Variants in KMT2B observed in about 807,000 individuals in gnomAD.
KMT2B encodes lysine methyltransferase 2B.
KMT2B carries 22 observed loss-of-function variants against 255.3 expected under a neutral mutation model. The ratio of observed to expected loss-of-function variants is 0.09; its 90% CI spans 0.06 to 0.12. The LOEUF is 0.12. KMT2B is among the 10% of genes least tolerant of loss of function. KMT2B has a pLI of 1.00. For missense variants in KMT2B, 3,149 were observed against 3,737.0 expected (o/e 0.84, Z 4.10); for synonymous variants, 1,730 against 1,498.1 (o/e 1.15, Z -3.57).
chr19:35,738,599 C>T lies in KMT2B; in HGVS notation c.*42C>T, dbSNP rs375099840. On this transcript the variant is annotated 3_prime_UTR_variant, in exon 37 of 37. Coordinates refer to ENST00000420124, the MANE Select transcript of KMT2B (RefSeq NM_014727.3). The surrounding 1 kb of genome is among the most constrained non-coding windows in gnomAD (Gnocchi z 8.7). ...CACGACCCCTCACACCTCCTGCTGC[C>T]GTCGCTGCCATCTTGCCCCTAGCCT... The T allele has an allele frequency of 2.1e-4, 339 of 1,587,744 alleles. No individual in the cohort carries two copies. Among genetic ancestry groups the T allele is most frequent in the Middle Eastern group, 8.4e-4 (5 of 5,972 alleles).
In KMT2B at chr19:35,732,274, C is replaced by A. The variant is rs769851153; in HGVS notation, c.5725C>A (p.Pro1909Thr). The change falls in exon 28 of 37, where the codon CCC becomes ACC. Residue 1909 changes from proline to threonine, a missense_variant. This residue lies in a region of KMT2B where 897 missense variants were observed against 825.3 expected (regional missense o/e 1.09). Coordinates refer to ENST00000420124, the MANE Select transcript of KMT2B (RefSeq NM_014727.3). The stretch of plus-strand genomic sequence containing the variant: ...AGTGGGAGACCCGGACTTCCCAGCT[C>A]CCCCCAGACGTTCCCGTCGTCCCAG... ...PTVGDPDFPA[P>T]PRRSRRPSPL... 1 of 1,608,940 alleles carries A rather than the reference C, an allele frequency of 6.2e-7. No individual in the cohort carries two copies. The highest frequency in any genetic ancestry group is 1.1e-5 in the South Asian group (1 of 90,086).
At chr19:35,735,918 A>G (rs531125018) in intron 30 of KMT2B, 1 of 152,374 alleles carries the variant, frequency 6.6e-6, no homozygotes, top group African/African-American at 2.4e-5. Flanking sequence ...GAAATCCCCT[A>G]AATAGCTCAT....
rs1429592734 is a variant in KMT2B, at chr19:35,728,110, G to C, written c.4510G>C (p.Ala1504Pro). 6.3e-7 allele frequency: 1 copy of C among 1,598,388 alleles called. No individual in the cohort carries two copies. Among genetic ancestry groups the C allele is most frequent in the Non-Finnish European group, 8.5e-7 (1 of 1,172,910 alleles). The part of the protein sequence containing the change: ...KGLLLKLLES[A>P]FGWFDAHDPK... ...ACCCACTCCCCAGCTGCTAGAATCT[G>C]CGTTCGGCTGGTTCGACGCCCACGA... The change falls in exon 19 of 37, where the codon GCG becomes CCG. Residue 1504 changes from alanine to proline, a missense_variant. Physicochemically the swap from Ala to Pro is conservative, Grantham distance 27. Around this residue, in one of 18 missense-constraint regions of KMT2B, gnomAD observed 377 missense variants for 471.0 expected, o/e 0.80. Transcript: ENST00000420124.
rs1243252928 is a variant in KMT2B at position 35,721,387 on chromosome 19, GCCT to G, written c.2047_2049del (p.Pro683del). On this transcript the variant is annotated inframe_deletion, in exon 3 of 37. Coordinates refer to ENST00000420124, the MANE Select transcript of KMT2B (RefSeq NM_014727.3). Reference sequence around the variant, plus strand: ...GGGCTCCTGAAGCCCCTGAGCCAGAGCCTCCTCCTGCCGATGACTCTCCAGCTG... The same window carrying G: ...GGGCTCCTGAAGCCCCTGAGCCAGAGCCTCCTGCCGATGACTCTCCAGCTG... 3.7e-6 allele frequency: 6 copies of G among 1,605,644 alleles called. No homozygotes were observed. In the African/African-American group the frequency reaches 6.7e-5, roughly 18 times the overall value.
At position 35,732,513 on chromosome 19, in the gene KMT2B, T is replaced by C. The variant is rs778824279; in HGVS notation, c.5964T>C (p.Ala1988=). Residue 1988 remains alanine (A), a synonymous_variant, in exon 28 of 37, where the codon GCT becomes GCC. Transcript: ENST00000420124. ...EDMEVVSGLS[A]ADLDFAASLL... is the part of the protein sequence containing the mutation. Reference sequence around the variant, plus strand: ...TGGAGGTGGTGTCAGGACTGAGTGCTGCTGACCTGGACTTCGCGGCCAGCC... The same window carrying C: ...TGGAGGTGGTGTCAGGACTGAGTGCCGCTGACCTGGACTTCGCGGCCAGCC... 3.1e-6 allele frequency: 5 copies of C among 1,613,820 alleles called. No homozygotes were observed. The Admixed American group carries it at 6.7e-5, about 22-fold the overall frequency.
At position 35,721,738 on chromosome 19, in the gene KMT2B, G is replaced by A. The variant is rs768691368; in HGVS notation, c.2391G>A (p.Lys797=). The A allele has an allele frequency of 8.1e-6, 13 of 1,610,354 alleles. No individual in the cohort carries two copies. In the East Asian group the frequency reaches 2.9e-4, roughly 36 times the overall value. ...GVEEKMFSLL[K]RAKVQLFKID... is the part of the protein sequence containing the mutation. Reference sequence around the variant, plus strand: ...AGGAGAAGATGTTCAGCCTCCTCAAGAGAGCCAAAGTGCAGCTATTCAAGA... The same window carrying A: ...AGGAGAAGATGTTCAGCCTCCTCAAAAGAGCCAAAGTGCAGCTATTCAAGA... Residue 797 remains lysine (K), a synonymous_variant, in exon 3 of 37, where the codon AAG becomes AAA. Coordinates refer to ENST00000420124, the MANE Select transcript of KMT2B (RefSeq NM_014727.3).
Position 35,731,873 on chromosome 19 carries a change from C to T in KMT2B, c.5438-35C>T, listed in dbSNP as rs761811545. 3.2e-5 allele frequency: 48 copies of T among 1,490,298 alleles called. No individual in the cohort carries two copies. The Admixed American group carries it at 6.9e-4, about 21-fold the overall frequency. The allele number at this position is 1,490,298 out of a possible 1,614,324, so 92.3% of individuals were successfully genotyped here. On this transcript the variant is annotated intron_variant, in intron 26 of 36. Coordinates refer to ENST00000420124, the MANE Select transcript of KMT2B (RefSeq NM_014727.3). ...ATGTGGGCAGGCTTTGACACAGAGC[C>T]CCTACCACCCCAATGCCATTTCTCG...
rs759301751 is a variant in KMT2B, at chr19:35,731,895, C to T, written c.5438-13C>T. The stretch of plus-strand genomic sequence containing the variant: ...AGCCCCTACCACCCCAATGCCATTT[C>T]TCGCCTCTTCAGAGCCCCCAGGTGG... On this transcript the variant is annotated splice_polypyrimidine_tract_variant and intron_variant, in intron 26 of 36. Transcript: ENST00000420124. The T allele has an allele frequency of 1.3e-6, 2 of 1,599,614 alleles. No individual in the cohort carries two copies. The highest frequency in any genetic ancestry group is 1.7e-6 in the Non-Finnish European group (2 of 1,167,148).
Position 35,723,699 on chromosome 19 carries a change from G to A in KMT2B, c.3059-33G>A, listed in dbSNP as rs1408755905. The A allele has an allele frequency of 4.0e-6, 6 of 1,512,634 alleles. No homozygotes were observed. Among genetic ancestry groups the A allele is most frequent in the Non-Finnish European group, 4.4e-6 (5 of 1,129,190 alleles). 93.7% of individuals were successfully genotyped at this position (1,512,634 alleles called of 1,614,324 possible). A position where few individuals can be genotyped will look rare whatever the true frequency, so the allele number is the denominator to read the frequency against. On this transcript the variant is annotated intron_variant, in intron 7 of 36. Coordinates refer to ENST00000420124, the MANE Select transcript of KMT2B (RefSeq NM_014727.3). This position sits in a 1 kb window ranked among gnomAD's most constrained non-coding sequence, Gnocchi z 7.5. ...CCCAGTGTCCCATGTCCCTGGCTGA[G>A]CTCAAATCCTACTAAGTCCCCTGTT...
At chr19:35,722,317 TTCC>T in intron 3 of KMT2B, 39 bp from the exon 4 acceptor site, 1 of 1,548,266 alleles carries the variant, frequency 6.5e-7, no homozygotes, top group Non-Finnish European at 8.7e-7. Context: ...GTCCCTATCT[TTCC>T]TCACTGTCCA....
Position 35,733,485 on chromosome 19 carries a change from G to A in KMT2B, c.6936G>A (p.Gln2312=). The part of the protein sequence containing the change: ...EDGEASEDTP[Q]VPGLGSGGFS... Reference sequence around the variant, plus strand: ...GAGAGGCCTCAGAGGATACCCCTCAGGTTCCAGGGCTTGGCAGTGGCGGGT... The same window carrying A: ...GAGAGGCCTCAGAGGATACCCCTCAAGTTCCAGGGCTTGGCAGTGGCGGGT... The change falls in exon 28 of 37, where the codon CAG becomes CAA. Residue 2312 remains glutamine (Q), a synonymous_variant. Transcript: ENST00000420124. This position sits in a 1 kb window ranked among gnomAD's most constrained non-coding sequence, Gnocchi z 4.3. 1.3e-6 allele frequency: 2 copies of A among 1,565,744 alleles called. No individual in the cohort carries two copies. The highest frequency in any genetic ancestry group is 2.4e-5 in the East Asian group (1 of 41,790).
chr19:35,732,844 G>T lies in KMT2B; in HGVS notation c.6295G>T (p.Ala2099Ser). The T allele has an allele frequency of 1.2e-6, 2 of 1,608,872 alleles. No homozygotes were observed. Among genetic ancestry groups the T allele is most frequent in the African/African-American group, 1.3e-5 (1 of 74,996 alleles). Reference sequence around the variant, plus strand: ...AGTCCGGGCAGGGGTCCTTGGGGCTGCAGGGGACAGGGCCCGGCCTCCTGA... The same window carrying T: ...AGTCCGGGCAGGGGTCCTTGGGGCTTCAGGGGACAGGGCCCGGCCTCCTGA... ...GVVRAGVLGA[A>S]GDRARPPEDL... Residue 2099 changes from alanine to serine, a missense_variant, in exon 28 of 37, where the codon GCA (alanine) becomes TCA (serine). By Grantham distance (99) the Ala-to-Ser change is moderately conservative (BLOSUM62 1). Around this residue, in one of 18 missense-constraint regions of KMT2B, gnomAD observed 897 missense variants for 825.3 expected, o/e 1.09. Coordinates refer to ENST00000420124, the MANE Select transcript of KMT2B (RefSeq NM_014727.3).
rs1003826519 is a variant in KMT2B at position 35,733,929 on chromosome 19, T to A, written c.7159+57T>A. The A allele has an allele frequency of 5.1e-5, 65 of 1,273,820 alleles. No individual in the cohort carries two copies. The highest frequency in any genetic ancestry group is 7.2e-5 in the Non-Finnish European group (64 of 885,308). 78.9% of individuals were successfully genotyped at this position (1,273,820 alleles called of 1,614,324 possible). ...CCTGTGCCTGGCTCAGCTGGGTGAC[T>A]CACAGATGCAAAATCAGCCCTCTTT... is the stretch of plus-strand genomic sequence containing the variant. On this transcript the variant is annotated intron_variant, in intron 30 of 36. Transcript: ENST00000420124. The surrounding 1 kb of genome is among the most constrained non-coding windows in gnomAD (Gnocchi z 4.3).
At position 35,733,245 on chromosome 19, in the gene KMT2B, G is replaced by T; in HGVS notation, c.6696G>T (p.Trp2232Cys). ...TTTCCCCCACGGCTCCCACCTCCTG[G>T]ACTCTGCCCCCAGGCCCCCTCCTCG... Reference protein sequence around the residue: ...PTISPTAPTSWTLPPGPLLGV... With the variant: ...PTISPTAPTSCTLPPGPLLGV... Residue 2232 changes from tryptophan (W) to cysteine (C), a missense_variant, in exon 28 of 37, where the codon TGG becomes TGT. Transcript: ENST00000420124. The surrounding 1 kb of genome is among the most constrained non-coding windows in gnomAD (Gnocchi z 4.3). The T allele has an allele frequency of 1.3e-6, 2 of 1,490,108 alleles. No individual in the cohort carries two copies. The highest frequency in any genetic ancestry group is 1.4e-5 in the African/African-American group (1 of 70,296). The allele number at this position is 1,490,108 out of a possible 1,614,324, so 92.3% of individuals were successfully genotyped here.
rs367909525 is a variant in KMT2B at position 35,723,492 on chromosome 19, G to A, written c.3048G>A (p.Leu1016=). 95 of 1,568,526 alleles carry A rather than the reference G, an allele frequency of 6.1e-5. No homozygotes were observed. In the African/African-American group the frequency reaches 1.0e-3, roughly 17 times the overall value. Residue 1016 remains leucine, a synonymous_variant, in exon 7 of 37, where the codon CTG becomes CTA. Coordinates refer to ENST00000420124, the MANE Select transcript of KMT2B (RefSeq NM_014727.3). The surrounding 1 kb of genome is among the most constrained non-coding windows in gnomAD (Gnocchi z 7.5). The part of the protein sequence containing the change: ...DKIEARKMER[L]AKKGRTIVKT... ...TAGAGGCTCGGAAGATGGAACGACTGGCTAAAAAAGGTGACGAGCTTTAAG... is the reference window on the plus strand; with the variant it reads ...TAGAGGCTCGGAAGATGGAACGACTAGCTAAAAAAGGTGACGAGCTTTAAG...
At chr19:35,732,189 T>TTA (rs750148253) in intron 27 of KMT2B, 26 bp from the exon 28 acceptor site, 1 of 1,567,534 alleles carries the variant, frequency 6.4e-7, no homozygotes. Flanking sequence ...TGGGAGCTGC[T>TTA]GGTAACACCA....
rs231595 is a variant in KMT2B at position 35,723,272 on chromosome 19, T to C, written c.3000T>C (p.Cys1000=). The part of the protein sequence containing the change: ...FGGPNTKKQC[C]VYRKCDKIEA... ...GCCCTAACACCAAGAAGCAGTGCTG[T>C]GTGTGAGTAGCTGGGGCGTGACCTC... The change falls in exon 6 of 37, where the codon TGT becomes TGC. Residue 1000 remains cysteine, a splice_region_variant and synonymous_variant. Coordinates refer to ENST00000420124, the MANE Select transcript of KMT2B (RefSeq NM_014727.3). This position sits in a 1 kb window ranked among gnomAD's most constrained non-coding sequence, Gnocchi z 7.5. 2,997 of 1,611,146 alleles carry C rather than the reference T, an allele frequency of 1.9e-3. 53 individuals are homozygous for C. In the African/African-American group the frequency reaches 0.035, roughly 19 times the overall value.
rs373844478 is a variant in KMT2B, at chr19:35,721,596, C to T, written c.2249C>T (p.Pro750Leu). Residue 750 changes from proline (P) to leucine (L), a missense_variant, in exon 3 of 37, where the codon CCC (proline) becomes CTC (leucine). Pro to Leu is a moderately conservative substitution (Grantham distance 98). This residue lies in a region of KMT2B where 1,188 missense variants were observed against 1,106.4 expected (regional missense o/e 1.07). Coordinates refer to ENST00000420124, the MANE Select transcript of KMT2B (RefSeq NM_014727.3). ...CAGGCCTTGCAAACCCAGCTCCTGC[C>T]CCAGGCACTACCGCCACCACAGCCA... ...PLQALQTQLL[P>L]QALPPPQPQL... The T allele has an allele frequency of 6.2e-7, 1 of 1,612,608 alleles. No individual in the cohort carries two copies. The highest frequency in any genetic ancestry group is 8.5e-7 in the Non-Finnish European group (1 of 1,179,788).
rs73590594 is a variant in KMT2B, at chr19:35,736,237, C to T, written c.7160-453C>T. 9.3e-3 allele frequency: 1,525 copies of T among 164,242 alleles called. 25 individuals are homozygous for T. Among genetic ancestry groups the T allele is most frequent in the African/African-American group, 0.035 (1,475 of 41,642 alleles). 10.2% of individuals were successfully genotyped at this position (164,242 alleles called of 1,614,324 possible). ...TTGCATTCCAGCCTGGGAGACAGAACGAGACTTTGTCTCAAAAAATGATAA... is the reference window on the plus strand; with the variant it reads ...TTGCATTCCAGCCTGGGAGACAGAATGAGACTTTGTCTCAAAAAATGATAA... On this transcript the variant is annotated intron_variant, in intron 30 of 36. Transcript: ENST00000420124.
Sources: allele counts gnomAD v4.1 joint callset, GRCh38; gene constraint gnomAD v4.1.1; regional missense constraint gnomAD v4.1.1; non-coding constraint Gnocchi (gnomAD v3.1); transcripts MANE v1.5; gene names NCBI Gene and HGNC (gene_info 2026-07-23, HGNC 2026-07-21).